KCNAB1: variants seen among roughly 807,000 people sequenced by gnomAD.
KCNAB1 encodes the protein potassium voltage-gated channel subfamily A regulatory beta subunit 1, also known as voltage-gated potassium channel subunit beta-1.
Under a neutral mutation model 64.6 loss-of-function variants are expected in KCNAB1, and 35 were observed. That is an observed-to-expected ratio of 0.54 (90% CI 0.41 to 0.72). The LOEUF (loss-of-function observed/expected upper bound fraction) is 0.72. KCNAB1 is among the 30% of genes least tolerant of loss of function. KCNAB1 has a pLI of 0.00. For missense variants in KCNAB1, 401 were observed against 512.9 expected, an observed-to-expected ratio of 0.78 and a Z score of 2.11; for synonymous variants, 177 against 183.8, an observed-to-expected ratio of 0.96 and a Z score of 0.30.
chr3:156,382,688 G>T (rs1400858761), intron 1 of KCNAB1, among the ~76,000 whole-genome samples: 1 of 152,160 alleles, frequency 6.6e-6, no homozygotes, highest in Non-Finnish European at 1.5e-5. Context: ...TGGCCACTGA[G>T]TGGGAAGTAG....
At chr3:156,487,957 T>A (rs1715333261) in intron 8 of KCNAB1, among the ~76,000 whole-genome samples, 1 of 152,100 alleles carries the variant, frequency 6.6e-6, no homozygotes, top group Non-Finnish European at 1.5e-5. Flanking sequence ...TCATCCCTAC[T>A]CTCTTCCTGA....
chr3:156,338,330 T>TTTC (rs1723871417), intron 1 of KCNAB1, among the ~76,000 whole-genome samples: 1 of 125,950 alleles, frequency 7.9e-6, no homozygotes, highest in Non-Finnish European at 1.7e-5. Context: ...TTTTTTTTTT[T>TTTC]ACAGAGTTTA....
At chr3:156,343,776 C>T (rs187140378) in intron 1 of KCNAB1, among the ~76,000 whole-genome samples, 5 of 152,322 alleles carry the variant, frequency 3.3e-5, no homozygotes, top group Admixed American at 1.3e-4. Flanking sequence ...TTTATAGTAG[C>T]AACCTAATGG....
At chr3:156,122,044 T>G (rs939742861) in intron 1 of KCNAB1, among the ~76,000 whole-genome samples, 1 of 152,206 alleles carries the variant, frequency 6.6e-6, no homozygotes, top group Admixed American at 6.5e-5. Flanking sequence ...AAAATCAACA[T>G]TTAAAAATTA....
rs891083478 is a variant in KCNAB1, at chr3:156,478,707, G to T, written c.658+3887G>T. Among the ~76,000 whole-genome samples the T allele has an allele frequency of 5.9e-5, 9 of 152,108 alleles. No individual in the cohort carries two copies. The East Asian group carries it at 1.7e-3, about 29-fold the overall frequency. ...TCTACCATGAAATGATGTTAATCGG[G>T]AACATTTTAAAAATAAACCAAGACG... is the stretch of plus-strand genomic sequence containing the variant. On this transcript the variant is annotated intron_variant, in intron 8 of 13. Transcript: ENST00000490337.
chr3:156,359,191 C>T (rs1725446659), intron 1 of KCNAB1, among the ~76,000 whole-genome samples: 1 of 152,030 alleles, frequency 6.6e-6, no homozygotes, highest in African/African-American at 2.4e-5. Context: ...TTAATGTGGC[C>T]CCCTGCATTG....
At chr3:156,218,801 A>AAAAAAT (rs371264941) in intron 1 of KCNAB1, among the ~76,000 whole-genome samples, 3,451 of 112,004 alleles carry the variant, frequency 0.031, 70 homozygotes, top group East Asian at 0.068. Flanking sequence ...AAAAAAAAAA[A>AAAAAAT]AATAATAATA....
chr3:156,395,243 C>A (rs1220044722), intron 1 of KCNAB1, among the ~76,000 whole-genome samples: 1 of 151,486 alleles, frequency 6.6e-6, no homozygotes, highest in African/African-American at 2.4e-5. Context: ...AACGTGCAGT[C>A]TCAAAATCAG....
intron 1 of KCNAB1, among the ~76,000 whole-genome samples, chr3:156,321,056 G>T (rs1027474126): frequency 1.3e-5 from 2 of 152,044 alleles, no homozygotes; most frequent in Admixed American, 1.3e-4. Context: ...TAGCAGAATA[G>T]GTCGGCACAA....
chr3:156,254,435 G>A (rs1717988126), intron 1 of KCNAB1, among the ~76,000 whole-genome samples: 1 of 152,186 alleles, frequency 6.6e-6, no homozygotes, highest in Non-Finnish European at 1.5e-5. Flanking sequence ...AGGCTTATAT[G>A]TCACTCAGCT....
At chr3:156,361,098 T>C (rs1374156067) in intron 1 of KCNAB1, among the ~76,000 whole-genome samples, 1 of 152,206 alleles carries the variant, frequency 6.6e-6, no homozygotes, top group East Asian at 1.9e-4. Context: ...TGGCCTAACA[T>C]AGCCCTACAT....
chr3:156,149,540 C>G (rs1398752934), intron 1 of KCNAB1, among the ~76,000 whole-genome samples: 1 of 152,108 alleles, frequency 6.6e-6, no homozygotes, highest in Non-Finnish European at 1.5e-5. Context: ...AATTTTTCAC[C>G]TGAACCCCTC....
At chr3:156,248,690 C>CA (rs1164673314) in intron 1 of KCNAB1, among the ~76,000 whole-genome samples, 1 of 152,134 alleles carries the variant, frequency 6.6e-6, no homozygotes, top group Non-Finnish European at 1.5e-5. Flanking sequence ...TCCGAAGTCA[C>CA]ATGTTGACTT....
intron 1 of KCNAB1, among the ~76,000 whole-genome samples, chr3:156,362,923 G>A (rs1214692457): frequency 6.6e-6 from 1 of 152,210 alleles, no homozygotes; most frequent in Non-Finnish European, 1.5e-5. Flanking sequence ...GCCCAGCTCA[G>A]TTCTCGGAAC....
intron 1 of KCNAB1, among the ~76,000 whole-genome samples, chr3:156,280,362 T>A (rs942546086): frequency 1.1e-3 from 169 of 151,732 alleles, no homozygotes; most frequent in African/African-American, 3.9e-3. Context: ...GCTGTTTTGG[T>A]TACTGTAGCG....
At chr3:156,253,578 C>A (rs1026330271) in intron 1 of KCNAB1, among the ~76,000 whole-genome samples, 4 of 152,242 alleles carry the variant, frequency 2.6e-5, no homozygotes, top group Non-Finnish European at 5.9e-5. Context: ...CAGCCATACA[C>A]CTACTCTTTT....
chr3:156,397,644 T>C (rs1713562003), intron 1 of KCNAB1, among the ~76,000 whole-genome samples: 1 of 152,046 alleles, frequency 6.6e-6, no homozygotes, highest in South Asian at 2.1e-4. Context: ...ACATTAAAAA[T>C]TACTTTACTT....
intron 7 of KCNAB1, among the ~76,000 whole-genome samples, chr3:156,473,367 A>G (rs1292203761): frequency 6.6e-6 from 1 of 152,096 alleles, no homozygotes; most frequent in Non-Finnish European, 1.5e-5. Context: ...ATACCCTGTT[A>G]TTTGTTTACT....
At chr3:156,292,514 A>G (rs752067073) in intron 1 of KCNAB1, among the ~76,000 whole-genome samples, 1 of 152,156 alleles carries the variant, frequency 6.6e-6, no homozygotes. Context: ...ATAGTTTCTC[A>G]TCTAGTACTG....
Sources: gnomAD v4.1 joint callset for allele counts (sites outside exome capture counted in the v4.1 genomes callset) on GRCh38, gnomAD v4.1.1 for gene constraint, MANE v1.5 for transcripts, NCBI Gene and HGNC (gene_info 2026-07-23, HGNC 2026-07-21) for gene names.